PTPN14: variants seen among roughly 807,000 people sequenced by gnomAD.
The protein encoded by PTPN14 is tyrosine-protein phosphatase non-receptor type 14.
PTPN14 carries 53 observed loss-of-function variants against 126.8 expected under a neutral mutation model. The observed-to-expected ratio is 0.42, with a 90% CI of 0.34 to 0.53. PTPN14 has a LOEUF of 0.53. Ranked by LOEUF, PTPN14 falls within the 20% of genes least tolerant of loss-of-function variation. The probability of loss-of-function intolerance (pLI) is 0.08; values close to 1 mark genes in which losing one functional copy is unlikely to be tolerated. For missense variants in PTPN14, 1,257 were observed against 1,552.9 expected (o/e 0.81, Z 3.20); for synonymous variants, 630 against 599.3 (o/e 1.05, Z -0.75).
rs1660595634 is a variant in PTPN14, at chr1:214,464,880, G to A, written c.-77C>T. 1.3e-6 allele frequency: 2 copies of A among 1,547,518 alleles called. No homozygotes were observed. The highest frequency in any genetic ancestry group is 1.8e-5 in the Admixed American group (1 of 56,974). On this transcript the variant is annotated 5_prime_UTR_variant, in exon 2 of 19. It introduces an in-frame stop codon into an upstream open reading frame of the 5' UTR. Coordinates refer to ENST00000366956, the MANE Select transcript of PTPN14 (RefSeq NM_005401.5). ...AGATGGCCTTAGCAGTTTCGTGACT[G>A]GAAAATTACACTATCACCTGTGCTC...
At chr1:214,539,574 T>G (rs1655787945) in intron 1 of PTPN14, among the ~76,000 whole-genome samples, 1 of 152,184 alleles carries the variant, frequency 6.6e-6, no homozygotes, top group African/African-American at 2.4e-5. Flanking sequence ...ACATATACGG[T>G]AATTAATCTA....
At position 214,512,368 on chromosome 1, in the gene PTPN14, T is replaced by C. The variant is rs966684114; in HGVS notation, c.-155+38815A>G. The stretch of plus-strand genomic sequence containing the variant: ...CCTGCTGCTTCTCCATGTGGCCCTA[T>C]AGGGTTTGGCATGCTCCTTCTTCTT... On this transcript the variant is annotated intron_variant, in intron 1 of 18. Coordinates refer to ENST00000366956, the MANE Select transcript of PTPN14 (RefSeq NM_005401.5). Among the ~76,000 whole-genome samples the C allele has an allele frequency of 6.6e-5, 10 of 152,288 alleles. No homozygotes were observed. In the South Asian group the frequency reaches 1.2e-3, roughly 19 times the overall value.
At chr1:214,542,227 G>T (rs1170398330) in intron 1 of PTPN14, among the ~76,000 whole-genome samples, 2 of 152,224 alleles carry the variant, frequency 1.3e-5, no homozygotes, top group Non-Finnish European at 2.9e-5. Context: ...ATGTGTATGT[G>T]TGTGCCTGTG....
chr1:214,535,447 C>A (rs1655680319), intron 1 of PTPN14, among the ~76,000 whole-genome samples: 1 of 152,102 alleles, frequency 6.6e-6, no homozygotes, highest in African/African-American at 2.4e-5. Context: ...ATAAAGAAGG[C>A]AACTGTAAAA....
intron 2 of PTPN14, among the ~76,000 whole-genome samples, chr1:214,455,387 C>A (rs543850567): frequency 3.9e-5 from 6 of 152,302 alleles, no homozygotes; most frequent in Admixed American, 1.3e-4. Context: ...AGGATCCCAT[C>A]ATATTACCTG....
intron 13 of PTPN14, among the ~76,000 whole-genome samples, chr1:214,379,886 T>C (rs879633305): frequency 1.3e-5 from 2 of 152,238 alleles, no homozygotes; most frequent in African/African-American, 4.8e-5. Flanking sequence ...TGGGCACATG[T>C]CATCAGGACC....
At chr1:214,475,094 G>A (rs114231312) in intron 1 of PTPN14, among the ~76,000 whole-genome samples, 5,258 of 152,074 alleles carry the variant, frequency 0.035, 129 homozygotes, top group Non-Finnish European at 0.056. Flanking sequence ...GTATGTCAGG[G>A]GTCTCACCAT....
At chr1:214,448,235 A>G (rs1006955719) in intron 3 of PTPN14, among the ~76,000 whole-genome samples, 2 of 151,828 alleles carry the variant, frequency 1.3e-5, no homozygotes, top group African/African-American at 4.8e-5. Context: ...AGTACTATTC[A>G]TTTTCTCTTT....
intron 3 of PTPN14, among the ~76,000 whole-genome samples, chr1:214,431,365 A>G (rs1321197486): frequency 6.6e-6 from 1 of 151,056 alleles, no homozygotes; most frequent in East Asian, 2.0e-4. Context: ...AATAATGATG[A>G]TAGTGTTAGG....
At chr1:214,534,648 G>A (rs1221556317) in intron 1 of PTPN14, among the ~76,000 whole-genome samples, 1 of 151,978 alleles carries the variant, frequency 6.6e-6, no homozygotes, top group African/African-American at 2.4e-5. Flanking sequence ...GGGAGGCGGA[G>A]CTTGCAGTGA....
intron 15 of PTPN14, 100 bp from the exon 16 acceptor site, chr1:214,372,939 A>G: frequency 1.3e-6 from 2 of 1,500,248 alleles, no homozygotes; most frequent in Non-Finnish European, 1.8e-6. Context: ...CCTTGGATAT[A>G]TTTTTGGGGC....
At chr1:214,468,844 A>G (rs1377896192) in intron 1 of PTPN14, among the ~76,000 whole-genome samples, 1 of 152,218 alleles carries the variant, frequency 6.6e-6, no homozygotes, top group Non-Finnish European at 1.5e-5. Flanking sequence ...CTGATCCTTA[A>G]TATCACAGGT....
Position 214,544,073 on chromosome 1 carries a change from AC to A in PTPN14, c.-155+7109del, listed in dbSNP as rs140774124. Among the ~76,000 whole-genome samples, 1,227 of 152,358 alleles carry A rather than the reference AC, an allele frequency of 8.1e-3. 15 individuals are homozygous for A. Among genetic ancestry groups the A allele is most frequent in the African/African-American group, 0.027 (1,117 of 41,596 alleles). On this transcript the variant is annotated intron_variant, in intron 1 of 18. Transcript: ENST00000366956. The stretch of plus-strand genomic sequence containing the variant: ...CTTAGTAGAGGAGATAGGAAGGTAA[AC>A]AAGCATAATATGGTAAACTTACTAA...
At chr1:214,514,019 T>A (rs1655040979) in intron 1 of PTPN14, among the ~76,000 whole-genome samples, 1 of 152,112 alleles carries the variant, frequency 6.6e-6, no homozygotes, top group South Asian at 2.1e-4. Context: ...TTGTGAAAGG[T>A]CCCCTTCTTG....
chr1:214,432,256 C>G (rs1171675084), intron 3 of PTPN14, among the ~76,000 whole-genome samples: 1 of 151,778 alleles, frequency 6.6e-6, no homozygotes, highest in Non-Finnish European at 1.5e-5. Flanking sequence ...TTTATGATTA[C>G]TGATATCCCT....
intron 1 of PTPN14, among the ~76,000 whole-genome samples, chr1:214,495,671 ATTTATTTAT>A (rs1661347824): frequency 1.1e-4 from 1 of 9,072 alleles, no homozygotes; most frequent in Admixed American, 2.1e-3. Flanking sequence ...TTTTTTATTT[ATTTATTTAT>A]TTATTTATTT....
intron 5 of PTPN14, among the ~76,000 whole-genome samples, chr1:214,407,159 TGAGTA>T (rs2102573832): frequency 6.6e-6 from 1 of 152,318 alleles, no homozygotes; most frequent in South Asian, 2.1e-4. Context: ...TTTCATTTAA[TGAGTA>T]GAATTAATAA....
At chr1:214,440,343 CTG>C (rs1272787105) in intron 3 of PTPN14, among the ~76,000 whole-genome samples, 2 of 152,150 alleles carry the variant, frequency 1.3e-5, no homozygotes, top group Non-Finnish European at 2.9e-5. Flanking sequence ...CTCAAATAGG[CTG>C]TGTTTGTTTA....
In PTPN14 at chr1:214,378,019, A is replaced by G; in HGVS notation, c.2628T>C (p.Ala876=). The G allele has an allele frequency of 6.2e-7, 1 of 1,604,038 alleles. No homozygotes were observed. The highest frequency in any genetic ancestry group is 8.5e-7 in the Non-Finnish European group (1 of 1,176,214). ...MLAALNGLSV[A]RVSGREENRV... ...GATTCTCTTCCCGCCCTGAGACTCG[A>G]GCCACCGAGAGCCCATTCAATGCTG... The change falls in exon 14 of 19, where the codon GCT becomes GCC. Residue 876 remains alanine (A), a synonymous_variant. Transcript: ENST00000366956.
Sources: gnomAD v4.1 joint callset for allele counts (sites outside exome capture counted in the v4.1 genomes callset) on GRCh38, gnomAD v4.1.1 for gene constraint, MANE v1.5 for transcripts, NCBI Gene and HGNC (gene_info 2026-07-23, HGNC 2026-07-21) for gene names.